IFNAR1: variants seen among roughly 807,000 people sequenced by gnomAD.
The protein encoded by IFNAR1 is interferon alpha/beta receptor 1.
IFNAR1 carries 47 observed loss-of-function variants against 62.1 expected under a neutral mutation model. The observed-to-expected ratio is 0.76, with a 90% CI of 0.60 to 0.97. IFNAR1 has a LOEUF of 0.97. Among genes scored for constraint, IFNAR1 ranks in the 50% least tolerant of loss-of-function variants. The pLI is 0.00. For missense variants in IFNAR1, 638 were observed against 654.5 expected (o/e 0.97, Z 0.27); for synonymous variants, 219 against 226.9 (o/e 0.97, Z 0.31).
chr21:33,342,084 T>C (rs1481033603), intron 3 of IFNAR1, among the ~76,000 whole-genome samples: 1 of 152,164 alleles, frequency 6.6e-6, no homozygotes, highest in Non-Finnish European at 1.5e-5. Flanking sequence ...ACATAAATAA[T>C]GGCTGTTTGG....
chr21:33,343,206 G>A, intron 3 of IFNAR1, 62 bp from the exon 4 acceptor site: 2 of 1,408,412 alleles, frequency 1.4e-6, no homozygotes, highest in Admixed American at 1.8e-5. Flanking sequence ...ATTATTTGTT[G>A]AATGAAGGTT....
chr21:33,343,181 T>C (rs1215071111), intron 3 of IFNAR1, 87 bp from the exon 4 acceptor site: 12 of 1,114,068 alleles, frequency 1.1e-5, no homozygotes, highest in African/African-American at 4.7e-5. Context: ...GGCAGGCACA[T>C]ATTAAGTGCT....
chr21:33,354,332 A>G (rs987453721), intron 10 of IFNAR1, among the ~76,000 whole-genome samples: 8 of 152,152 alleles, frequency 5.3e-5, no homozygotes, highest in Admixed American at 5.2e-4. Flanking sequence ...ACAGAGCAAG[A>G]CTCTGTCTCT....
intron 1 of IFNAR1, among the ~76,000 whole-genome samples, chr21:33,325,415 T>G (rs1468081873): frequency 1.3e-5 from 2 of 152,194 alleles, no homozygotes; most frequent in Non-Finnish European, 1.5e-5. Context: ...GTGTCGAGTT[T>G]GATTCTTTCC....
intron 3 of IFNAR1, among the ~76,000 whole-genome samples, chr21:33,342,869 T>A (rs530330236): frequency 1.0e-4 from 15 of 143,852 alleles, no homozygotes; most frequent in South Asian, 6.7e-4. Flanking sequence ...AAAAAAAAAA[T>A]AAATAAACCA....
rs2083459361 is a variant in IFNAR1 at position 33,357,519 on chromosome 21, G to C, written c.*1970G>C. ...CATGGTGACACATTTTCATCTTTCTGACCAGAGGCTGTTTTTTTTTTTTTT... is the reference window on the plus strand; with the variant it reads ...CATGGTGACACATTTTCATCTTTCTCACCAGAGGCTGTTTTTTTTTTTTTT... On this transcript the variant is annotated 3_prime_UTR_variant, in exon 11 of 11. Transcript: ENST00000270139. The C allele has an allele frequency of 6.8e-6, 1 of 146,416 alleles. No homozygotes were observed. Among genetic ancestry groups the C allele is most frequent in the Non-Finnish European group, 1.5e-5 (1 of 67,738 alleles). 9.1% of individuals were successfully genotyped at this position (146,416 alleles called of 1,614,324 possible).
In IFNAR1 at chr21:33,335,611, C is replaced by A; in HGVS notation, c.164C>A (p.Ser55Tyr). ...FILRWNRSDE[S>Y]VGNVTFSFDY... is the part of the protein sequence containing the mutation. The stretch of plus-strand genomic sequence containing the variant: ...CTGAGGTGGAACAGGAGCGATGAGT[C>A]TGTCGGGAATGTGACTTTTTCATTC... Residue 55 changes from serine (S) to tyrosine (Y), a missense_variant, in exon 2 of 11, where the codon TCT becomes TAT. Physicochemically the swap from Ser to Tyr is moderately radical, Grantham distance 144 (BLOSUM62 -2). Transcript: ENST00000270139. The A allele has an allele frequency of 6.2e-7, 1 of 1,603,172 alleles. No individual in the cohort carries two copies. The highest frequency in any genetic ancestry group is 1.1e-5 in the South Asian group (1 of 88,712).
At chr21:33,341,218 T>G (rs753225780) in intron 3 of IFNAR1, 44 bp downstream of exon 3, 1 of 1,448,416 alleles carries the variant, frequency 6.9e-7, no homozygotes, top group East Asian at 2.3e-5. Context: ...TAGTAAATAT[T>G]ACCAGAGCAG....
At chr21:33,341,327 C>T (rs953172131) in intron 3 of IFNAR1, among the ~76,000 whole-genome samples, 153 bp downstream of exon 3, 2 of 152,232 alleles carry the variant, frequency 1.3e-5, no homozygotes, top group Non-Finnish European at 1.5e-5. Context: ...TGCTATGGCT[C>T]CATTTGTCCT....
At chr21:33,341,524 G>A (rs1213197337) in intron 3 of IFNAR1, among the ~76,000 whole-genome samples, 1 of 152,186 alleles carries the variant, frequency 6.6e-6, no homozygotes, top group Admixed American at 6.6e-5. Context: ...TATGGTCACT[G>A]ATTTAACATA....
rs776376265 is a variant in IFNAR1 at position 33,349,510 on chromosome 21, A to G, written c.1110A>G (p.Glu370=). 52 of 1,610,852 alleles carry G rather than the reference A, an allele frequency of 3.2e-5. No individual in the cohort carries two copies. The Admixed American group carries it at 5.7e-4, about 18-fold the overall frequency. Residue 370 remains glutamate, a synonymous_variant, in exon 8 of 11, where the codon GAA becomes GAG. Coordinates refer to ENST00000270139, the MANE Select transcript of IFNAR1 (RefSeq NM_000629.3). ...PVIQDYPLIY[E]IIFWENTSNA... ...TCCAGGATTATCCACTGATTTATGA[A>G]ATTATTTTTTGGGAAAACACTTCAA...
intron 1 of IFNAR1, among the ~76,000 whole-genome samples, chr21:33,333,614 A>ATTTTTTTTTTTT (rs59240203): frequency 2.3e-4 from 25 of 106,980 alleles, no homozygotes; most frequent in African/African-American, 5.3e-4. Flanking sequence ...CTGGCGGAAT[A>ATTTTTTTTTTTT]TTTTTTTTTT....
At chr21:33,336,144 G>T (rs2083232485) in intron 2 of IFNAR1, among the ~76,000 whole-genome samples, 1 of 144,474 alleles carries the variant, frequency 6.9e-6, no homozygotes, top group Non-Finnish European at 1.5e-5. Flanking sequence ...TCATTGTTCA[G>T]TTCCCACCTA....
At chr21:33,331,058 A>G (rs926180161) in intron 1 of IFNAR1, among the ~76,000 whole-genome samples, 1 of 152,188 alleles carries the variant, frequency 6.6e-6, no homozygotes, top group African/African-American at 2.4e-5. Flanking sequence ...ACTTGTAGCC[A>G]TGGCTTCCTT....
chr21:33,349,129 A>C lies in IFNAR1; in HGVS notation c.827A>C (p.Lys276Thr). The change falls in exon 7 of 11, where the codon AAA becomes ACA. Residue 276 changes from lysine (K) to threonine (T), a missense_variant. Transcript: ENST00000270139. ...AGGAATCCTGGAAACCATTTGTATAAATGGAAACAAATACCTGACTGTGAA... is the reference window on the plus strand; with the variant it reads ...AGGAATCCTGGAAACCATTTGTATACATGGAAACAAATACCTGACTGTGAA... Reference protein sequence around the residue: ...LKRNPGNHLYKWKQIPDCENV... With the variant: ...LKRNPGNHLYTWKQIPDCENV... 1 of 1,611,140 alleles carries C rather than the reference A, an allele frequency of 6.2e-7. No individual in the cohort carries two copies. Among genetic ancestry groups the C allele is most frequent in the African/African-American group, 1.3e-5 (1 of 74,954 alleles).
At chr21:33,338,546 A>AAAAAC (rs1167326352) in intron 2 of IFNAR1, among the ~76,000 whole-genome samples, 1 of 148,028 alleles carries the variant, frequency 6.8e-6, no homozygotes, top group African/African-American at 2.6e-5. Flanking sequence ...AAAAAAAAAA[A>AAAAAC]CCCAACAAAT....
intron 1 of IFNAR1, among the ~76,000 whole-genome samples, chr21:33,331,397 C>T (rs17875779): frequency 0.096 from 14,605 of 152,154 alleles, 1,024 homozygotes; most frequent in African/African-American, 0.19. Flanking sequence ...CTGGCCAAAC[C>T]GAGCAGCTAT....
At chr21:33,336,982 C>T (rs2083243408) in intron 2 of IFNAR1, among the ~76,000 whole-genome samples, 1 of 152,058 alleles carries the variant, frequency 6.6e-6, no homozygotes, top group African/African-American at 2.4e-5. Context: ...AACTTCTTAC[C>T]TCAGGTGGTC....
intron 8 of IFNAR1, among the ~76,000 whole-genome samples, chr21:33,349,847 G>A (rs1601863756): frequency 6.6e-6 from 1 of 151,890 alleles, no homozygotes; most frequent in Admixed American, 6.6e-5. Context: ...GAACCTGGGA[G>A]GTCAAGGCTG....
Sources: gnomAD v4.1 joint callset for allele counts (sites outside exome capture counted in the v4.1 genomes callset) on GRCh38, gnomAD v4.1.1 for gene constraint, MANE v1.5 for transcripts, NCBI Gene and HGNC (gene_info 2026-07-23, HGNC 2026-07-21) for gene names.